Variants in ARB2A observed in about 807,000 individuals in gnomAD.
ARB2A encodes cotranscriptional regulator ARB2A.
At chr5:93,809,895 T>C in the ARB2A span, among the ~76,000 whole-genome samples, 3 of 152,038 alleles carry the variant, frequency 2.0e-5, no homozygotes, top group South Asian at 6.2e-4. Flanking sequence ...CTCCAATATA[T>C]GGGACAAAAT....
the ARB2A span, among the ~76,000 whole-genome samples, chr5:93,777,997 A>T: frequency 6.6e-6 from 1 of 152,234 alleles, no homozygotes; most frequent in Non-Finnish European, 1.5e-5. Context: ...GAAACAGTAG[A>T]TCAATGAAAC....
chr5:93,646,688 T>TAA, the ARB2A span, among the ~76,000 whole-genome samples: 3 of 149,640 alleles, frequency 2.0e-5, no homozygotes, highest in Middle Eastern at 7.0e-3. Flanking sequence ...AGATTCTCTT[T>TAA]AAAAAAAAAA....
the ARB2A span, among the ~76,000 whole-genome samples, chr5:93,955,931 G>T: frequency 6.6e-6 from 1 of 152,212 alleles, no homozygotes; most frequent in Non-Finnish European, 1.5e-5. Context: ...CTAAAAAGGT[G>T]TATGTGAGTA....
chr5:94,036,026 AC>A, the ARB2A span, among the ~76,000 whole-genome samples: 28 of 152,046 alleles, frequency 1.8e-4, no homozygotes, highest in Non-Finnish European at 3.5e-4. Context: ...ATTAAAAAAA[AC>A]AGTAAAACCA....
the ARB2A span, among the ~76,000 whole-genome samples, chr5:94,066,197 G>A: frequency 6.6e-6 from 1 of 151,804 alleles, no homozygotes; most frequent in African/African-American, 2.4e-5. Flanking sequence ...GAAAACGCAA[G>A]GGTAAAAGGA....
the ARB2A span, among the ~76,000 whole-genome samples, chr5:93,905,246 T>G: frequency 3.3e-5 from 5 of 151,628 alleles, no homozygotes; most frequent in African/African-American, 1.2e-4. Context: ...TCATTTAAAA[T>G]AGATGTAGAA....
chr5:93,904,873 C>T, the ARB2A span, among the ~76,000 whole-genome samples: 2 of 151,694 alleles, frequency 1.3e-5, no homozygotes, highest in South Asian at 2.1e-4. Context: ...ACACCCTTGA[C>T]AAAATTTTTC....
chr5:93,971,609 T>TAAAAAAAA, the ARB2A span, among the ~76,000 whole-genome samples: 1 of 150,282 alleles, frequency 6.7e-6, no homozygotes, highest in Non-Finnish European at 1.5e-5. Flanking sequence ...AATAAATAAA[T>TAAAAAAAA]AAAACAAAAA....
the ARB2A span, among the ~76,000 whole-genome samples, chr5:94,084,858 AC>A: frequency 6.6e-6 from 1 of 152,216 alleles, no homozygotes; most frequent in Admixed American, 6.5e-5. Flanking sequence ...CTCACTTCAT[AC>A]ATGATCAATT....
the ARB2A span, among the ~76,000 whole-genome samples, chr5:93,702,581 A>G: frequency 1.3e-5 from 2 of 152,190 alleles, no homozygotes; most frequent in African/African-American, 4.8e-5. Context: ...TCAGAAAAGT[A>G]TCTGACATAC....
the ARB2A span, among the ~76,000 whole-genome samples, chr5:93,974,816 A>C: frequency 2.0e-5 from 3 of 152,204 alleles, no homozygotes; most frequent in Non-Finnish European, 4.4e-5. Flanking sequence ...AGAAATCAAC[A>C]CCATGAAGAA....
the ARB2A span, chr5:93,735,204 T>G: frequency 6.6e-6 from 1 of 152,246 alleles, no homozygotes; most frequent in Non-Finnish European, 1.5e-5. Flanking sequence ...TTTCTACATA[T>G]CATCTTAAAT....
the ARB2A span, among the ~76,000 whole-genome samples, chr5:93,712,049 A>ATG: frequency 6.6e-6 from 1 of 152,202 alleles, no homozygotes; most frequent in East Asian, 1.9e-4. Context: ...GCTGGGACGG[A>ATG]AGTCCCAGGA....
the ARB2A span, among the ~76,000 whole-genome samples, chr5:93,846,750 C>T: frequency 5.9e-5 from 9 of 152,226 alleles, 1 homozygote; most frequent in South Asian, 6.2e-4. Flanking sequence ...AAACTGCTAA[C>T]GATCATCTGA....
At chr5:93,686,909 G>A in the ARB2A span, among the ~76,000 whole-genome samples, 1 of 152,172 alleles carries the variant, frequency 6.6e-6, no homozygotes, top group African/African-American at 2.4e-5. Flanking sequence ...CATAATTGTG[G>A]GGAGGGACTT....
the ARB2A span, among the ~76,000 whole-genome samples, chr5:93,675,318 T>C: frequency 6.6e-6 from 1 of 152,270 alleles, no homozygotes; most frequent in South Asian, 2.1e-4. Flanking sequence ...AAACAAACTT[T>C]CATAGCATGT....
chr5:93,807,901 A>T, the ARB2A span, among the ~76,000 whole-genome samples: 1 of 152,036 alleles, frequency 6.6e-6, no homozygotes, highest in Non-Finnish European at 1.5e-5. Context: ...CATCTGCAGT[A>T]AAGTTTTACC....
chr5:94,074,367 C>CA, the ARB2A span, among the ~76,000 whole-genome samples: 4 of 151,930 alleles, frequency 2.6e-5, no homozygotes, highest in African/African-American at 9.7e-5. Context: ...AGCCTTGATT[C>CA]AAAAAACTTA....
chr5:93,803,136 G>C, the ARB2A span, among the ~76,000 whole-genome samples: 1 of 152,040 alleles, frequency 6.6e-6, no homozygotes, highest in Non-Finnish European at 1.5e-5. Flanking sequence ...AGTCAAATTT[G>C]TGTGCCTATC....
Sources: allele counts gnomAD v4.1 joint callset (sites outside exome capture counted in the v4.1 genomes callset), GRCh38; gene constraint gnomAD v4.1.1; transcripts MANE v1.5; gene names NCBI Gene and HGNC (gene_info 2026-07-23, HGNC 2026-07-21).